Variants in CCDC141 observed in about 807,000 individuals in gnomAD.
CCDC141 encodes the protein coiled-coil domain containing 141.
Under a neutral mutation model 181.0 loss-of-function variants are expected in CCDC141, and 168 were observed. That is an observed-to-expected ratio of 0.93 (90% CI 0.82 to 1.05). CCDC141 has a LOEUF of 1.05. CCDC141 is among the 50% of genes least tolerant of loss of function. The probability of loss-of-function intolerance (pLI) is 0.00; values close to 1 mark genes in which losing one functional copy is unlikely to be tolerated. For synonymous variants in CCDC141, 666 were observed against 642.3 expected, an observed-to-expected ratio of 1.04 and a Z score of -0.56; for missense variants, 1,902 against 1,788.5, an observed-to-expected ratio of 1.06 and a Z score of -1.14.
chr2:178,843,492 C>T (rs1055611764), intron 22 of CCDC141, among the ~76,000 whole-genome samples: 1 of 152,122 alleles, frequency 6.6e-6, no homozygotes, highest in African/African-American at 2.4e-5. Context: ...GAATAAAACA[C>T]CATCACTAAT....
intron 8 of CCDC141, among the ~76,000 whole-genome samples, chr2:178,891,665 G>C (rs1160083972): frequency 6.6e-6 from 1 of 152,036 alleles, no homozygotes; most frequent in East Asian, 1.9e-4. Flanking sequence ...GGTCCCTCCA[G>C]CACAAAAAAT....
chr2:178,997,270 C>T (rs904762175), intron 2 of CCDC141, among the ~76,000 whole-genome samples: 2 of 152,146 alleles, frequency 1.3e-5, no homozygotes, highest in Non-Finnish European at 2.9e-5. Context: ...ATCCTGTGGG[C>T]CAGGCCTTCC....
intron 17 of CCDC141, among the ~76,000 whole-genome samples, chr2:178,861,159 A>C (rs11693733): frequency 0.32 from 48,913 of 150,728 alleles, 8,433 homozygotes; most frequent in African/African-American, 0.43. Flanking sequence ...TTTCCTGAGG[A>C]TGTTTGTGCT....
chr2:179,039,657 T>C (rs546641294), intron 2 of CCDC141, among the ~76,000 whole-genome samples: 1 of 152,268 alleles, frequency 6.6e-6, no homozygotes, highest in East Asian at 1.9e-4. Flanking sequence ...TTAGAACAAA[T>C]TGCAAGACCC....
intron 12 of CCDC141, chr2:178,874,703 C>A (rs915448155): frequency 6.6e-6 from 1 of 152,194 alleles, no homozygotes; most frequent in African/African-American, 2.4e-5. Context: ...GAGGGAAGAA[C>A]CTGACAGGGG....
chr2:178,869,229 T>C lies in CCDC141; in HGVS notation c.2282A>G (p.Lys761Arg). The change falls in exon 15 of 24, where the codon AAG becomes AGG. Residue 761 changes from lysine (K) to arginine (R), a missense_variant. Lys to Arg is a conservative substitution (Grantham distance 26). Coordinates refer to ENST00000443758, the MANE Select transcript of CCDC141 (RefSeq NM_173648.4). ...AATAAGGTCCTTCAGTTGTTGAGAC[T>C]TTTCTTTTACAGGGGCTCCTCTGCC... The part of the protein sequence containing the change: ...LTGRGAPVKE[K>R]SQQLKDLIHF... The C allele has an allele frequency of 2.5e-6, 4 of 1,613,742 alleles. No homozygotes were observed. The highest frequency in any genetic ancestry group is 3.4e-6 in the Non-Finnish European group (4 of 1,179,780).
chr2:178,963,582 CATT>C, intron 4 of CCDC141, among the ~76,000 whole-genome samples: 1 of 151,754 alleles, frequency 6.6e-6, no homozygotes, highest in South Asian at 2.1e-4. Flanking sequence ...TCAACTACAG[CATT>C]ATAACTTTTG....
At chr2:178,822,173 C>T in the CCDC141 span, among the ~76,000 whole-genome samples, 20 of 151,546 alleles carry the variant, frequency 1.3e-4, no homozygotes, top group South Asian at 6.3e-4. Context: ...AACCAAACAC[C>T]GCATGTTCTC....
At chr2:178,958,899 GAGA>G (rs1164779435) in intron 5 of CCDC141, among the ~76,000 whole-genome samples, 2 of 149,368 alleles carry the variant, frequency 1.3e-5, no homozygotes, top group Non-Finnish European at 3.0e-5. Context: ...TTTTTGGAGA[GAGA>G]AGGTCTTTGT....
At chr2:179,025,876 T>A (rs1390778472) in intron 2 of CCDC141, among the ~76,000 whole-genome samples, 1 of 151,996 alleles carries the variant, frequency 6.6e-6, no homozygotes, top group African/African-American at 2.4e-5. Context: ...ACTTATTGTG[T>A]TTTAGCAAAG....
chr2:178,989,419 C>G (rs370807841), intron 2 of CCDC141, among the ~76,000 whole-genome samples: 4 of 151,576 alleles, frequency 2.6e-5, no homozygotes, highest in South Asian at 4.2e-4. Flanking sequence ...CATGTTGAAA[C>G]TCCATCTCTA....
At chr2:178,821,584 T>C in the CCDC141 span, among the ~76,000 whole-genome samples, 1 of 152,156 alleles carries the variant, frequency 6.6e-6, no homozygotes, top group Non-Finnish European at 1.5e-5. Flanking sequence ...GGTCAAAGAT[T>C]TTAGTGGCCT....
At chr2:178,936,205 C>T (rs1689283020) in intron 6 of CCDC141, among the ~76,000 whole-genome samples, 1 of 152,108 alleles carries the variant, frequency 6.6e-6, no homozygotes, top group African/African-American at 2.4e-5. Context: ...CCTAAGTTGT[C>T]TTCCAGGGTT....
chr2:178,996,608 T>A (rs1159826516), intron 2 of CCDC141, among the ~76,000 whole-genome samples: 1 of 152,218 alleles, frequency 6.6e-6, no homozygotes, highest in African/African-American at 2.4e-5. Context: ...TTAATATTTT[T>A]ATTTTCCTAC....
chr2:178,845,457 T>C (rs575624568), intron 22 of CCDC141, among the ~76,000 whole-genome samples, 169 bp downstream of exon 22: 1 of 152,126 alleles, frequency 6.6e-6, no homozygotes, highest in Non-Finnish European at 1.5e-5. Context: ...GAAGCACCAA[T>C]AGAGGAGCAA....
intron 6 of CCDC141, among the ~76,000 whole-genome samples, chr2:178,923,804 T>C (rs1486539754): frequency 1.3e-5 from 2 of 152,218 alleles, no homozygotes; most frequent in Admixed American, 6.5e-5. Flanking sequence ...CCTTTCAGTA[T>C]TCCATTTCCT....
chr2:178,866,995 G>A (rs1430296686), intron 16 of CCDC141, among the ~76,000 whole-genome samples: 3 of 152,336 alleles, frequency 2.0e-5, no homozygotes, highest in African/African-American at 7.2e-5. Flanking sequence ...TAGCCAATGT[G>A]CCCAGGCTAA....
intron 2 of CCDC141, among the ~76,000 whole-genome samples, chr2:179,044,115 C>A (rs1021779216): frequency 6.6e-6 from 1 of 152,134 alleles, no homozygotes; most frequent in East Asian, 1.9e-4. Flanking sequence ...TGAAGGACCT[C>A]TTTAAGGGGA....
intron 8 of CCDC141, 92 bp downstream of exon 8, chr2:178,905,237 C>T: frequency 8.4e-7 from 1 of 1,187,300 alleles, no homozygotes; most frequent in Non-Finnish European, 1.2e-6. Context: ...AACATCAGAA[C>T]CAGAAAAAGA....
Sources: allele counts gnomAD v4.1 joint callset (sites outside exome capture counted in the v4.1 genomes callset), GRCh38; gene constraint gnomAD v4.1.1; transcripts MANE v1.5; gene names NCBI Gene and HGNC (gene_info 2026-07-23, HGNC 2026-07-21).